The following PIK3R6 variants were observed in gnomAD, a reference collection of about 807,000 sequenced individuals.
PIK3R6 encodes phosphoinositide 3-kinase regulatory subunit 6.
In PIK3R6, 91 loss-of-function variants were observed where a neutral mutation model predicts 84.9. The ratio of observed to expected loss-of-function variants is 1.07; its 90% CI spans 0.90 to 1.28. The LOEUF (loss-of-function observed/expected upper bound fraction) is 1.28. Ranked by LOEUF, PIK3R6 falls within the 50% of genes most tolerant of loss-of-function variation. The pLI is 0.00. For synonymous variants in PIK3R6, 416 were observed against 411.4 expected (o/e 1.01, Z -0.13); for missense variants, 996 against 985.1 (o/e 1.01, Z -0.15).
At chr17:8,828,085 G>GCCAC in intron 12 of PIK3R6, 27 bp downstream of exon 12, 2 of 1,609,544 alleles carry the variant, frequency 1.2e-6, no homozygotes, top group South Asian at 2.2e-5. Context: ...TCTCTGCCCC[G>GCCAC]CCACCGCCTC....
At chr17:8,827,058 C>A (rs905761893) in intron 13 of PIK3R6, 114 bp downstream of exon 13, 5 of 1,239,746 alleles carry the variant, frequency 4.0e-6, no homozygotes, top group Non-Finnish European at 5.5e-6. Flanking sequence ...AAAAGATGGC[C>A]CCCTCTCACC....
intron 2 of PIK3R6, among the ~76,000 whole-genome samples, chr17:8,841,798 G>T (rs74753789): frequency 1.3e-5 from 2 of 152,202 alleles, no homozygotes; most frequent in African/African-American, 2.4e-5. Context: ...TCCCACTACC[G>T]GGAGTTTAAT....
chr17:8,822,970 T>C (rs1216729175), intron 15 of PIK3R6, 26 bp downstream of exon 15: 1 of 1,551,078 alleles, frequency 6.4e-7, no homozygotes, highest in African/African-American at 1.4e-5. Context: ...AGGGTGACCT[T>C]TGGCAAAAGG....
In PIK3R6 at chr17:8,827,273, G is replaced by C. The variant is rs1328260101; in HGVS notation, c.1414C>G (p.Pro472Ala). Residue 472 changes from proline (P) to alanine (A), a missense_variant, in exon 13 of 20, where the codon CCG becomes GCG. Coordinates refer to ENST00000619866, the MANE Select transcript of PIK3R6 (RefSeq NM_001010855.4). The part of the protein sequence containing the change: ...APEKPAASRQ[P>A]ELGELATFLG... ...AACGTAGCCAGCTCTCCCAGCTCCG[G>C]CTGCCTGGATGCTGCAGGCTTCTGG... 6.4e-7 allele frequency: 1 copy of C among 1,562,084 alleles called. No individual in the cohort carries two copies. Among genetic ancestry groups the C allele is most frequent in the Non-Finnish European group, 8.7e-7 (1 of 1,153,410 alleles).
intron 14 of PIK3R6, 92 bp downstream of exon 14, chr17:8,823,295 A>G (rs1597391749): frequency 1.0e-6 from 1 of 994,762 alleles, no homozygotes; most frequent in Non-Finnish European, 1.5e-6. Flanking sequence ...TGTGTTCATG[A>G]TTGGTGGCCT....
Position 8,804,048 on chromosome 17 carries a change from C to G in PIK3R6, c.2101G>C (p.Val701Leu). The G allele has an allele frequency of 6.2e-7, 1 of 1,613,752 alleles. No individual in the cohort carries two copies. The highest frequency in any genetic ancestry group is 8.5e-7 in the Non-Finnish European group (1 of 1,179,626). Reference protein sequence around the residue: ...DKDDQRTFRDVVRFEVAPCPE... With the variant: ...DKDDQRTFRDLVRFEVAPCPE... ...TGGCAGGCCCAGCCTCACCTGACCA[C>G]ATCCCTGAAAGTGCGTTGATCGTCC... Residue 701 changes from valine to leucine, a missense_variant, in exon 19 of 20, where the codon GTG becomes CTG. Coordinates refer to ENST00000619866, the MANE Select transcript of PIK3R6 (RefSeq NM_001010855.4).
At chr17:8,860,289 C>A (rs58497212) in intron 1 of PIK3R6, among the ~76,000 whole-genome samples, 3 of 138,112 alleles carry the variant, frequency 2.2e-5, no homozygotes, top group African/African-American at 3.5e-5. Context: ...CCTCCTGGGG[C>A]GGGGGGCGGT....
intron 1 of PIK3R6, among the ~76,000 whole-genome samples, chr17:8,850,934 A>T (rs901850321): frequency 2.0e-5 from 3 of 152,232 alleles, no homozygotes; most frequent in Admixed American, 2.0e-4. Flanking sequence ...AAATAGAGAC[A>T]GTTGTCAAAG....
At chr17:8,856,182 A>G (rs71371874) in intron 1 of PIK3R6, among the ~76,000 whole-genome samples, 51,126 of 152,126 alleles carry the variant, frequency 0.34, 9,425 homozygotes, top group African/African-American at 0.45. Context: ...TTTTTTAGTC[A>G]AACTTTTAAT....
At chr17:8,804,174 G>A (rs776811222) in intron 18 of PIK3R6, 21 bp from the exon 19 acceptor site, 64 of 1,593,860 alleles carry the variant, frequency 4.0e-5, no homozygotes, top group South Asian at 5.5e-5. Context: ...GAGATCGCAC[G>A]TGTGAGTGTT....
chr17:8,829,293 C>G (rs917414986), intron 10 of PIK3R6, among the ~76,000 whole-genome samples: 1 of 115,958 alleles, frequency 8.6e-6, no homozygotes, highest in African/African-American at 3.6e-5. Context: ...ACGCATCATG[C>G]ATACACACAC....
intron 1 of PIK3R6, among the ~76,000 whole-genome samples, chr17:8,853,789 C>G (rs956984877): frequency 6.6e-6 from 1 of 151,696 alleles, no homozygotes; most frequent in South Asian, 2.1e-4. Context: ...TGATGAAACC[C>G]TGTCTCTACT....
At chr17:8,853,764 C>T (rs2089046438) in intron 1 of PIK3R6, among the ~76,000 whole-genome samples, 1 of 151,806 alleles carries the variant, frequency 6.6e-6, no homozygotes. Context: ...GAGATCAAGA[C>T]CATCCTGGCT....
In PIK3R6 at chr17:8,823,136, C is replaced by T. The variant is rs753547106; in HGVS notation, c.1627-50G>A. On this transcript the variant is annotated intron_variant, in intron 14 of 19. Transcript: ENST00000619866. ...ATTTCCTGGTGTGATTTCCAAATCA[C>T]TCTATCCCTGATTTCCAGGGATCCA... 4 of 1,396,756 alleles carry T rather than the reference C, an allele frequency of 2.9e-6. No individual in the cohort carries two copies. The South Asian group carries it at 3.5e-5, about 12-fold the overall frequency. The allele number at this position is 1,396,756 out of a possible 1,614,324, so 86.5% of individuals were successfully genotyped here.
intron 18 of PIK3R6, among the ~76,000 whole-genome samples, chr17:8,813,213 T>C (rs987963670): frequency 1.3e-5 from 2 of 151,984 alleles, no homozygotes; most frequent in African/African-American, 4.8e-5. Flanking sequence ...AAATAGAATC[T>C]TGAACACACC....
chr17:8,820,454 T>C (rs1459592330), intron 17 of PIK3R6, among the ~76,000 whole-genome samples: 3 of 151,750 alleles, frequency 2.0e-5, no homozygotes, highest in Admixed American at 1.3e-4. Flanking sequence ...AGTTCACACA[T>C]CTAAGGTCAC....
chr17:8,804,852 C>T (rs901950954), intron 18 of PIK3R6, among the ~76,000 whole-genome samples: 6 of 152,188 alleles, frequency 3.9e-5, no homozygotes, highest in African/African-American at 1.4e-4. Flanking sequence ...CCATCTCATT[C>T]AAGTGTTCTT....
chr17:8,832,842 GC>G (rs769812646), intron 9 of PIK3R6, 46 bp downstream of exon 9: 3 of 1,610,132 alleles, frequency 1.9e-6, no homozygotes, highest in Non-Finnish European at 2.5e-6. Context: ...GCAGTGAGCT[GC>G]CCCCGCGGGA....
intron 8 of PIK3R6, among the ~76,000 whole-genome samples, chr17:8,834,431 G>C (rs551346131): frequency 2.6e-5 from 4 of 152,226 alleles, no homozygotes; most frequent in Non-Finnish European, 5.9e-5. Flanking sequence ...GTGTCTCTCT[G>C]TTACCCAGGC....
Sources: allele counts gnomAD v4.1 joint callset (sites outside exome capture counted in the v4.1 genomes callset), GRCh38; gene constraint gnomAD v4.1.1; transcripts MANE v1.5; gene names NCBI Gene and HGNC (gene_info 2026-07-23, HGNC 2026-07-21).